SNX2: variants seen among roughly 807,000 people sequenced by gnomAD.
SNX2 encodes the protein sorting nexin-2.
SNX2 carries 25 observed loss-of-function variants against 69.9 expected under a neutral mutation model. That is an observed-to-expected ratio of 0.36 (90% CI 0.26 to 0.50). SNX2 has a LOEUF of 0.50. Among genes scored for constraint, SNX2 ranks in the 20% least tolerant of loss-of-function variants. The pLI, the probability that SNX2 is intolerant of heterozygous loss-of-function variation, is 0.97. For missense variants in SNX2, 551 were observed against 613.3 expected (o/e 0.90, Z 1.07); for synonymous variants, 229 against 200.4 (o/e 1.14, Z -1.20).
intron 1 of SNX2, among the ~76,000 whole-genome samples, chr5:122,793,444 G>A (rs181570272): frequency 3.2e-4 from 49 of 152,116 alleles, no homozygotes; most frequent in African/African-American, 9.9e-4. Context: ...GTAGAAGCCC[G>A]CATGGTAAAG....
rs533551884 is a variant in SNX2, at chr5:122,792,703, G to A, written c.109-2563G>A. Among the ~76,000 whole-genome samples the A allele has an allele frequency of 2.1e-4, 32 of 151,988 alleles. No homozygotes were observed. In the South Asian group the frequency reaches 6.4e-3, roughly 31 times the overall value. On this transcript the variant is annotated intron_variant, in intron 1 of 14. Coordinates refer to ENST00000379516, the MANE Select transcript of SNX2 (RefSeq NM_003100.4). Reference sequence around the variant, plus strand: ...AAATCTACCATTAAGAAAGTAAAAAGGTAAGCCAAAGATTGGGAGACTGAA... The same window carrying A: ...AAATCTACCATTAAGAAAGTAAAAAAGTAAGCCAAAGATTGGGAGACTGAA...
At chr5:122,798,339 T>G (rs1418713727) in intron 2 of SNX2, among the ~76,000 whole-genome samples, 1 of 152,146 alleles carries the variant, frequency 6.6e-6, no homozygotes, top group South Asian at 2.1e-4. Flanking sequence ...TACCACAGTT[T>G]GAAAGATTTT....
chr5:122,779,786 T>C (rs1431348104), intron 1 of SNX2, among the ~76,000 whole-genome samples: 2 of 152,088 alleles, frequency 1.3e-5, no homozygotes, highest in Non-Finnish European at 2.9e-5. Flanking sequence ...TTCGCAGGTT[T>C]GTTAATAGGT....
intron 6 of SNX2, among the ~76,000 whole-genome samples, chr5:122,804,864 T>C (rs1487130685): frequency 1.3e-5 from 2 of 152,228 alleles, no homozygotes; most frequent in African/African-American, 4.8e-5. Context: ...ATCTTCTCTG[T>C]ATTGTTCACA....
In SNX2 at chr5:122,803,491, G is replaced by A. The variant is rs1398549561; in HGVS notation, c.521G>A (p.Ser174Asn). The A allele has an allele frequency of 6.2e-7, 1 of 1,610,564 alleles. No individual in the cohort carries two copies. Among genetic ancestry groups the A allele is most frequent in the Admixed American group, 1.7e-5 (1 of 59,538 alleles). ...TTGTAGACATCTCTTTCCATGTTCA[G>A]TAAGAGTGAATTTTCAGTGAAAAGA... The part of the protein sequence containing the change: ...VTTKTSLSMF[S>N]KSEFSVKRRF... The change falls in exon 6 of 15, where the codon AGT becomes AAT. Residue 174 changes from serine (S) to asparagine (N), a missense_variant. Ser to Asn is a conservative substitution (Grantham distance 46, BLOSUM62 1). This residue lies in a region of SNX2 where 360 missense variants were observed against 450.4 expected (regional missense o/e 0.80). Transcript: ENST00000379516.
intron 1 of SNX2, among the ~76,000 whole-genome samples, chr5:122,782,879 G>A (rs759677007): frequency 3.3e-5 from 5 of 152,068 alleles, no homozygotes; most frequent in Non-Finnish European, 5.9e-5. Context: ...AATTATTTAT[G>A]TTGTGAATAT....
At chr5:122,816,616 A>G (rs1320162600) in intron 8 of SNX2, among the ~76,000 whole-genome samples, 1 of 152,124 alleles carries the variant, frequency 6.6e-6, no homozygotes, top group Non-Finnish European at 1.5e-5. Flanking sequence ...GTGTTAGGGT[A>G]CTTGGCAATT....
chr5:122,823,401 A>T (rs1754068761), intron 11 of SNX2, among the ~76,000 whole-genome samples: 1 of 152,172 alleles, frequency 6.6e-6, no homozygotes, highest in Admixed American at 6.5e-5. Context: ...CCTTTATCAT[A>T]GCTCCTACAT....
intron 1 of SNX2, chr5:122,775,447 C>A: frequency 4.9e-6 from 6 of 1,216,254 alleles, no homozygotes; most frequent in Non-Finnish European, 5.1e-6. Flanking sequence ...TCAGAGGGGC[C>A]AGAACCGAAC....
intron 8 of SNX2, among the ~76,000 whole-genome samples, chr5:122,816,657 G>C (rs1753906203): frequency 6.6e-6 from 1 of 152,078 alleles, no homozygotes; most frequent in Non-Finnish European, 1.5e-5. Flanking sequence ...CAGGGTGTTT[G>C]TTCCATCTAA....
At position 122,833,616 on chromosome 5, in the gene SNX2, A is replaced by G. The variant is rs1285124198; in HGVS notation, c.*3968A>G. The G allele has an allele frequency of 6.6e-6, 1 of 152,224 alleles. No individual in the cohort carries two copies. Among genetic ancestry groups the G allele is most frequent in the Non-Finnish European group, 1.5e-5 (1 of 68,034 alleles). The allele number at this position is 152,224 out of a possible 1,614,324, so 9.4% of individuals were successfully genotyped here. A position where few individuals can be genotyped will look rare whatever the true frequency, so the allele number is the denominator to read the frequency against. On this transcript the variant is annotated 3_prime_UTR_variant, in exon 15 of 15. Coordinates refer to ENST00000379516, the MANE Select transcript of SNX2 (RefSeq NM_003100.4). ...GGATGACTAGTGGCTATGATAATGG[A>G]CAGCATAGGTTTAGACAATGCCTAT...
intron 11 of SNX2, 54 bp downstream of exon 11, chr5:122,819,077 T>C: frequency 1.4e-6 from 2 of 1,383,444 alleles, no homozygotes; most frequent in Non-Finnish European, 2.0e-6. Context: ...AAAAAGTATT[T>C]TGTTTCCTAT....
chr5:122,794,712 CA>C (rs1270195138), intron 1 of SNX2, among the ~76,000 whole-genome samples: 1 of 152,022 alleles, frequency 6.6e-6, no homozygotes, highest in African/African-American at 2.4e-5. Flanking sequence ...CTAGTACCTC[CA>C]AAAAGGATGA....
intron 2 of SNX2, 40 bp downstream of exon 2, chr5:122,795,423 C>A: frequency 7.7e-7 from 1 of 1,300,542 alleles, no homozygotes; most frequent in Non-Finnish European, 1.1e-6. Context: ...TGGTCAATTG[C>A]AGTATATTTT....
At chr5:122,821,497 C>T (rs1275426806) in intron 11 of SNX2, among the ~76,000 whole-genome samples, 1 of 151,712 alleles carries the variant, frequency 6.6e-6, no homozygotes, top group East Asian at 1.9e-4. Context: ...GCTCTGTCGC[C>T]CAGGCTGGAG....
At chr5:122,778,912 G>A (rs1752910500) in intron 1 of SNX2, among the ~76,000 whole-genome samples, 3 of 152,094 alleles carry the variant, frequency 2.0e-5, no homozygotes. Flanking sequence ...ACAAAAAAGG[G>A]ATGGAGACAG....
intron 1 of SNX2, 105 bp downstream of exon 1, chr5:122,775,316 T>C: frequency 7.0e-7 from 1 of 1,436,096 alleles, no homozygotes; most frequent in African/African-American, 1.5e-5. Context: ...GCAAGGACCG[T>C]CTTGGGGTGA....
intron 1 of SNX2, among the ~76,000 whole-genome samples, chr5:122,793,916 CA>C (rs72484099): frequency 0.013 from 1,312 of 100,902 alleles, 19 homozygotes; most frequent in African/African-American, 0.04. Context: ...TCTGTCCCCC[CA>C]AAAAAAAAAA....
intron 6 of SNX2, among the ~76,000 whole-genome samples, chr5:122,806,862 T>C (rs542504833): frequency 1.3e-5 from 2 of 152,314 alleles, no homozygotes; most frequent in East Asian, 1.9e-4. Context: ...AAAACATTAA[T>C]AGGTGATTAA....
Sources: allele counts gnomAD v4.1 joint callset (sites outside exome capture counted in the v4.1 genomes callset), GRCh38; gene constraint gnomAD v4.1.1; regional missense constraint gnomAD v4.1.1; transcripts MANE v1.5; gene names NCBI Gene and HGNC (gene_info 2026-07-23, HGNC 2026-07-21).